DPY19L3: variants seen among roughly 807,000 people sequenced by gnomAD.
The protein encoded by DPY19L3 is dpy-19 like C-mannosyltransferase 3.
A neutral mutation model predicts 92.3 loss-of-function variants in DPY19L3; 51 were observed. The ratio of observed to expected loss-of-function variants is 0.55; its 90% CI spans 0.44 to 0.70. The LOEUF is 0.70. DPY19L3 is among the 30% of genes least tolerant of loss of function. The pLI, the probability that DPY19L3 is intolerant of heterozygous loss-of-function variation, is 0.00. For missense variants in DPY19L3, 706 were observed against 855.9 expected (o/e 0.82, Z 2.18); for synonymous variants, 309 against 315.2 (o/e 0.98, Z 0.21).
intron 3 of DPY19L3, among the ~76,000 whole-genome samples, chr19:32,414,867 C>T (rs1968326463): frequency 1.3e-5 from 2 of 152,176 alleles, no homozygotes; most frequent in Non-Finnish European, 2.9e-5. Flanking sequence ...GAAACTTGAA[C>T]ACCCTTGGTT....
intron 15 of DPY19L3, among the ~76,000 whole-genome samples, chr19:32,465,147 A>T (rs943121901): frequency 1.3e-5 from 2 of 152,254 alleles, no homozygotes; most frequent in Non-Finnish European, 2.9e-5. Context: ...AGAGATTTTT[A>T]AATGTATCTT....
At chr19:32,474,561 T>A (rs1274546987) in intron 16 of DPY19L3, among the ~76,000 whole-genome samples, 1 of 152,202 alleles carries the variant, frequency 6.6e-6, no homozygotes, top group Non-Finnish European at 1.5e-5. Context: ...TATTTTGAAG[T>A]GTTTGTCTGT....
At chr19:32,456,702 A>G (rs747613576) in intron 10 of DPY19L3, among the ~76,000 whole-genome samples, 2 of 152,152 alleles carry the variant, frequency 1.3e-5, no homozygotes, top group African/African-American at 2.4e-5. Context: ...CCACAGTGCT[A>G]GGATTACAGA....
Position 32,482,285 on chromosome 19 carries a change from A to G in DPY19L3, c.*45A>G, listed in dbSNP as rs1270103948. The G allele has an allele frequency of 1.3e-5, 20 of 1,588,356 alleles. No individual in the cohort carries two copies. Among genetic ancestry groups the G allele is most frequent in the Middle Eastern group, 3.4e-4 (2 of 5,944 alleles). On this transcript the variant is annotated 3_prime_UTR_variant, in exon 19 of 19. Coordinates refer to ENST00000392250, the MANE Select transcript of DPY19L3 (RefSeq NM_001172774.2). ...TCTATTTTTGATACGGAGAAACTGC[A>G]TCATGATGAAACTCAATAGATGACG... is the stretch of plus-strand genomic sequence containing the variant.
At chr19:32,426,660 A>G (rs1485322670) in intron 3 of DPY19L3, among the ~76,000 whole-genome samples, 1 of 152,216 alleles carries the variant, frequency 6.6e-6, no homozygotes, top group Non-Finnish European at 1.5e-5. Flanking sequence ...ATTTCAGTTC[A>G]CCGTCTTACA....
intron 6 of DPY19L3, among the ~76,000 whole-genome samples, chr19:32,437,777 G>A (rs1312843845): frequency 8.3e-6 from 1 of 120,590 alleles, no homozygotes; most frequent in African/African-American, 2.6e-5. Flanking sequence ...AAGTTTTTTG[G>A]GTTTTTTTCT....
intron 8 of DPY19L3, among the ~76,000 whole-genome samples, chr19:32,452,134 T>C (rs1969720791): frequency 6.6e-6 from 1 of 152,184 alleles, no homozygotes; most frequent in South Asian, 2.1e-4. Flanking sequence ...CCACCAGGCA[T>C]TTTCATCCAT....
intron 4 of DPY19L3, among the ~76,000 whole-genome samples, chr19:32,435,814 C>G (rs1969119451): frequency 6.6e-6 from 1 of 152,214 alleles, no homozygotes; most frequent in Non-Finnish European, 1.5e-5. Context: ...CAGAGGACCT[C>G]TGTGGCTGTG....
At chr19:32,421,845 C>T (rs1007978244) in intron 3 of DPY19L3, among the ~76,000 whole-genome samples, 1 of 151,776 alleles carries the variant, frequency 6.6e-6, no homozygotes. Flanking sequence ...CCAGAAGGAG[C>T]GATCACAGAG....
At chr19:32,428,841 C>G (rs2017459) in intron 3 of DPY19L3, among the ~76,000 whole-genome samples, 29,527 of 149,534 alleles carry the variant, frequency 0.2, 3,490 homozygotes, top group Admixed American at 0.34. Context: ...TGTTTTTTTT[C>G]TTGTTGTTGT....
chr19:32,465,613 C>G (rs1163532869), intron 15 of DPY19L3, among the ~76,000 whole-genome samples: 2 of 152,128 alleles, frequency 1.3e-5, no homozygotes, highest in Non-Finnish European at 2.9e-5. Flanking sequence ...GATGGGACCT[C>G]CCGCAGAGAG....
chr19:32,441,230 TAAAAAG>T (rs1218458228), intron 8 of DPY19L3, among the ~76,000 whole-genome samples: 1 of 152,042 alleles, frequency 6.6e-6, no homozygotes, highest in Non-Finnish European at 1.5e-5. Flanking sequence ...GCGGAAAAGA[TAAAAAG>T]AAATAAAAAA....
At chr19:32,419,025 A>G (rs528850050) in intron 3 of DPY19L3, among the ~76,000 whole-genome samples, 33 of 152,034 alleles carry the variant, frequency 2.2e-4, no homozygotes, top group African/African-American at 3.6e-4. Flanking sequence ...TTATTTTTCT[A>G]TTGTCTTCAT....
chr19:32,455,172 C>A, intron 10 of DPY19L3, 132 bp downstream of exon 10: 1 of 623,740 alleles, frequency 1.6e-6, no homozygotes, highest in Non-Finnish European at 2.6e-6. Context: ...GTTTCCTAGG[C>A]TGGCCTTGAA....
chr19:32,470,073 TAG>T (rs1259368048), intron 16 of DPY19L3, among the ~76,000 whole-genome samples: 1 of 152,226 alleles, frequency 6.6e-6, no homozygotes, highest in Non-Finnish European at 1.5e-5. Context: ...ATGGATCTCA[TAG>T]AGATTTGTCT....
Position 32,458,451 on chromosome 19 carries a change from A to G in DPY19L3, c.1264A>G (p.Ile422Val), listed in dbSNP as rs1030531305. ...AGATACTCTGCTTTTTTATGCTTAC[A>G]TATTCGTTCTGTCCATCACAGTGAT... ...LSDTLLFYAY[I>V]FVLSITVIVA... Residue 422 changes from isoleucine to valine, a missense_variant, in exon 12 of 19, where the codon ATA becomes GTA. Physicochemically the swap from Ile to Val is conservative, Grantham distance 29. Transcript: ENST00000392250. The G allele has an allele frequency of 1.9e-5, 30 of 1,613,728 alleles. No individual in the cohort carries two copies. Among genetic ancestry groups the G allele is most frequent in the African/African-American group, 4.0e-5 (3 of 74,930 alleles).
chr19:32,470,831 C>G (rs1970337301), intron 16 of DPY19L3, among the ~76,000 whole-genome samples: 1 of 114,218 alleles, frequency 8.8e-6, no homozygotes, highest in Non-Finnish European at 1.7e-5. Context: ...AAGGATTTGC[C>G]TTGTTCCAAA....
intron 8 of DPY19L3, among the ~76,000 whole-genome samples, chr19:32,452,672 A>G (rs1418904669): frequency 6.6e-6 from 1 of 152,094 alleles, no homozygotes; most frequent in East Asian, 1.9e-4. Flanking sequence ...AACAGTTGGT[A>G]TGTGTATGAT....
Position 32,484,413 on chromosome 19 carries a change from G to A in DPY19L3, c.*2173G>A, listed in dbSNP as rs928386644. ...ATCTGACTTCTAGCTCTGGCTTACA[G>A]CCTCTCTACCAGGCCGAAGCAAGAG... is the stretch of plus-strand genomic sequence containing the variant. On this transcript the variant is annotated 3_prime_UTR_variant, in exon 19 of 19. Coordinates refer to ENST00000392250, the MANE Select transcript of DPY19L3 (RefSeq NM_001172774.2). 1.3e-5 allele frequency: 2 copies of A among 152,196 alleles called. No individual in the cohort carries two copies. Among genetic ancestry groups the A allele is most frequent in the African/African-American group, 4.8e-5 (2 of 41,428 alleles). 9.4% of individuals were successfully genotyped at this position (152,196 alleles called of 1,614,324 possible). A position where few individuals can be genotyped will look rare whatever the true frequency, so the allele number is the denominator to read the frequency against.
Sources: allele counts gnomAD v4.1 joint callset (sites outside exome capture counted in the v4.1 genomes callset), GRCh38; gene constraint gnomAD v4.1.1; transcripts MANE v1.5; gene names NCBI Gene and HGNC (gene_info 2026-07-23, HGNC 2026-07-21).